The following MIB1 variants were observed in gnomAD, a reference collection of about 807,000 sequenced individuals.
MIB1 encodes E3 ubiquitin-protein ligase MIB1.
Under a neutral mutation model 124.5 loss-of-function variants are expected in MIB1, and 278 were observed. The ratio of observed to expected loss-of-function variants is 2.23; its 90% CI spans 2.02 to 2.47. The LOEUF (loss-of-function observed/expected upper bound fraction) is 2.47, where lower values mean the gene tolerates loss of function less well. MIB1 is among the 30% of genes most tolerant of loss of function. The pLI, the probability that MIB1 is intolerant of heterozygous loss-of-function variation, is 0.00. For synonymous variants in MIB1, 446 were observed against 429.4 expected, an observed-to-expected ratio of 1.04 and a Z score of -0.48; for missense variants, 957 against 1,254.4, an observed-to-expected ratio of 0.76 and a Z score of 3.58.
rs551472353 is a variant in MIB1, at chr18:21,817,550, C to A, written c.1677+1737C>A. 10 of 205,712 alleles carry A rather than the reference C, an allele frequency of 4.9e-5. No homozygotes were observed. In the South Asian group the frequency reaches 6.6e-4, roughly 13 times the overall value. 12.7% of individuals were successfully genotyped at this position (205,712 alleles called of 1,614,324 possible). On this transcript the variant is annotated intron_variant, in intron 11 of 20. Coordinates refer to ENST00000261537, the MANE Select transcript of MIB1 (RefSeq NM_020774.4). ...TCTAACTCTCATTGCAGAATGAAAG[C>A]AGCCATAGATAATACATAAATGAAT...
chr18:21,712,462 A>G (rs1418573357), intron 1 of MIB1, among the ~76,000 whole-genome samples: 3 of 152,188 alleles, frequency 2.0e-5, no homozygotes, highest in Admixed American at 2.0e-4. Flanking sequence ...AGCAGACTGG[A>G]GCTAGACTGT....
chr18:21,838,097 A>G (rs184573916), intron 12 of MIB1, among the ~76,000 whole-genome samples: 2 of 152,002 alleles, frequency 1.3e-5, no homozygotes, highest in East Asian at 1.9e-4. Flanking sequence ...TAGTGTGTCT[A>G]CCTCTCAAAA....
chr18:21,838,668 TC>T (rs1405097972), intron 13 of MIB1, among the ~76,000 whole-genome samples, 171 bp downstream of exon 13: 2 of 152,186 alleles, frequency 1.3e-5, no homozygotes, highest in Non-Finnish European at 2.9e-5. Context: ...GCCTAATACT[TC>T]TTAAATGCAG....
At position 21,740,829 on chromosome 18, in the gene MIB1, C is replaced by T. The variant is rs906703218; in HGVS notation, c.-755C>T. ...AGAGACGCTTAGGGATCAGTTTTCT[C>T]CTCCTTTCTTCCCGCGATCGCGCGG... On this transcript the variant is annotated 5_prime_UTR_variant, in exon 1 of 21. Coordinates refer to ENST00000261537, the MANE Select transcript of MIB1 (RefSeq NM_020774.4). Among the ~76,000 whole-genome samples, 6 of 152,228 alleles carry T rather than the reference C, an allele frequency of 3.9e-5. No individual in the cohort carries two copies. The highest frequency in any genetic ancestry group is 3.3e-4 in the Admixed American group (5 of 15,292).
At chr18:21,814,940 A>C (rs2041811386) in intron 10 of MIB1, among the ~76,000 whole-genome samples, 1 of 145,764 alleles carries the variant, frequency 6.9e-6, no homozygotes, top group African/African-American at 2.5e-5. Flanking sequence ...AAAAATTTTT[A>C]AATGTCAAAA....
intron 10 of MIB1, among the ~76,000 whole-genome samples, chr18:21,808,549 T>C (rs2041733993): frequency 6.6e-6 from 1 of 152,220 alleles, no homozygotes; most frequent in Admixed American, 6.5e-5. Context: ...AATTATTTGG[T>C]ACATAGCATA....
intron 7 of MIB1, among the ~76,000 whole-genome samples, chr18:21,792,048 A>T (rs2041511042): frequency 6.6e-6 from 1 of 152,178 alleles, no homozygotes; most frequent in Non-Finnish European, 1.5e-5. Flanking sequence ...CAACAAACAA[A>T]TTTGCTTGTT....
chr18:21,857,345 G>A (rs1484015694), intron 19 of MIB1, 102 bp downstream of exon 19: 2 of 730,054 alleles, frequency 2.7e-6, no homozygotes, highest in Non-Finnish European at 4.9e-6. Flanking sequence ...TAAAACCTAA[G>A]ATGTCTGACT....
intron 2 of MIB1, among the ~76,000 whole-genome samples, chr18:21,767,024 A>G (rs2041169217): frequency 6.6e-6 from 1 of 152,222 alleles, no homozygotes; most frequent in Non-Finnish European, 1.5e-5. Flanking sequence ...TGGACCAGAT[A>G]CTTGAGTGTA....
intron 10 of MIB1, among the ~76,000 whole-genome samples, chr18:21,814,668 G>T (rs952281519): frequency 6.6e-6 from 1 of 151,898 alleles, no homozygotes; most frequent in Admixed American, 6.5e-5. Context: ...CTGCCTCCCG[G>T]ATTCAAGCAG....
chr18:21,837,946 T>G (rs1351971712), intron 12 of MIB1, among the ~76,000 whole-genome samples: 1 of 152,240 alleles, frequency 6.6e-6, no homozygotes, highest in African/African-American at 2.4e-5. Flanking sequence ...ATAAATACTG[T>G]TGATACTGAA....
intron 12 of MIB1, among the ~76,000 whole-genome samples, chr18:21,834,478 G>T (rs1189632849): frequency 1.3e-5 from 2 of 152,118 alleles, no homozygotes; most frequent in Non-Finnish European, 2.9e-5. Flanking sequence ...ATACGGAAAT[G>T]TTTACATTGG....
upstream of MIB1, among the ~76,000 whole-genome samples, chr18:21,738,539 G>A (rs904248954): frequency 1.3e-5 from 2 of 151,932 alleles, no homozygotes; most frequent in Admixed American, 6.6e-5. Flanking sequence ...TGGGCACGGT[G>A]GCTCACGCCT....
At chr18:21,745,336 A>G (rs2040899460) in intron 1 of MIB1, among the ~76,000 whole-genome samples, 1 of 152,152 alleles carries the variant, frequency 6.6e-6, no homozygotes, top group Admixed American at 6.6e-5. Flanking sequence ...TGTTATAGGA[A>G]TGTCCTGTGC....
At chr18:21,848,372 G>T (rs918873644) in intron 16 of MIB1, among the ~76,000 whole-genome samples, 2 of 151,862 alleles carry the variant, frequency 1.3e-5, no homozygotes, top group Non-Finnish European at 2.9e-5. Flanking sequence ...TGCTTGAACC[G>T]GGAGGCGGAG....
Position 21,706,518 on chromosome 18 carries a change from G to C in MIB1, n.167+1395G>C, listed in dbSNP as rs970434025. Among the ~76,000 whole-genome samples the C allele has an allele frequency of 2.6e-5, 4 of 152,306 alleles. No homozygotes were observed. The South Asian group carries it at 8.3e-4, about 32-fold the overall frequency. On this transcript the variant is annotated intron_variant and non_coding_transcript_variant, in intron 1 of 20. Transcript: ENST00000578646. ...CTGCTTGCAGGGAGGTGTGGAGAGA[G>C]AGGCGTGGGCGGGAACCGGGGCTGC...
intron 10 of MIB1, among the ~76,000 whole-genome samples, chr18:21,813,633 C>T (rs1179725769): frequency 6.9e-6 from 1 of 145,018 alleles, no homozygotes; most frequent in African/African-American, 2.7e-5. Context: ...CCTTTAATAC[C>T]TGTTTGAGAA....
chr18:21,738,778 G>T (rs1343794442), upstream of MIB1, among the ~76,000 whole-genome samples: 7 of 116,240 alleles, frequency 6.0e-5, no homozygotes, highest in Non-Finnish European at 9.9e-5. Flanking sequence ...CTGCACTCCA[G>T]CCTGGGCCAC....
intron 1 of MIB1, among the ~76,000 whole-genome samples, chr18:21,754,454 A>C (rs2041008489): frequency 6.6e-6 from 1 of 152,140 alleles, no homozygotes; most frequent in Admixed American, 6.5e-5. Context: ...TATGCTGCCC[A>C]CCTATTTAGT....
Sources: allele counts gnomAD v4.1 joint callset (sites outside exome capture counted in the v4.1 genomes callset), GRCh38; gene constraint gnomAD v4.1.1; transcripts MANE v1.5; gene names NCBI Gene and HGNC (gene_info 2026-07-23, HGNC 2026-07-21).